Variants in SELENOW observed in about 807,000 individuals in gnomAD.
SELENOW encodes the protein selenoprotein W, also known as selenoprotein W, 1.
A neutral mutation model predicts 16.6 loss-of-function variants in SELENOW; 20 were observed. The observed-to-expected ratio is 1.21, with a 90% CI of 0.85 to 1.76. SELENOW has a LOEUF of 1.76. Ranked by LOEUF, SELENOW falls within the 40% of genes most tolerant of loss-of-function variation. SELENOW has a pLI of 0.00. For synonymous variants in SELENOW, 44 were observed against 46.2 expected, an observed-to-expected ratio of 0.95 and a Z score of 0.19; for missense variants, 124 against 111.0, an observed-to-expected ratio of 1.12 and a Z score of -0.53.
rs373202771 is a variant in SELENOW at position 47,780,033 on chromosome 19, G to C, written c.30-692G>C. On this transcript the variant is annotated intron_variant, in intron 1 of 5. Transcript: ENST00000601048. ...AGACGCCTACCAGGCCTGTACACCAGATTCCAGTCCCGAAATAGCCTGCTG... is the reference window on the plus strand; with the variant it reads ...AGACGCCTACCAGGCCTGTACACCACATTCCAGTCCCGAAATAGCCTGCTG... The C allele has an allele frequency of 1.1e-3, 444 of 415,268 alleles. 8 individuals carry two copies. Among genetic ancestry groups the C allele is most frequent in the Middle Eastern group, 5.9e-3 (17 of 2,870 alleles). The allele number at this position is 415,268 out of a possible 1,614,324, so 25.7% of individuals were successfully genotyped here.
At position 47,778,789 on chromosome 19, in the gene SELENOW, GCT is replaced by G; in HGVS notation, c.8_9del (p.Leu3ArgfsTer26). The stretch of plus-strand genomic sequence containing the variant: ...GCGGATGTGGCAGCCCCGAGCCATG[GCT>G]CTCGCCGTCCGAGTCGTTTATTGGT... MALAVRVVYCGA... is the reference protein window; with the variant it reads MXLAVRVVYCGA... On this transcript the variant is annotated frameshift_variant, in exon 1 of 6. Coordinates refer to ENST00000601048, the MANE Select transcript of SELENOW (RefSeq NM_003009.4). LOFTEE classifies it high-confidence loss of function. The G allele has an allele frequency of 6.2e-7, 1 of 1,605,702 alleles. No homozygotes were observed. Among genetic ancestry groups the G allele is most frequent in the Non-Finnish European group, 8.5e-7 (1 of 1,176,876 alleles).
At chr19:47,781,869 T>C (rs1967481465) in intron 5 of SELENOW, among the ~76,000 whole-genome samples, 1 of 142,880 alleles carries the variant, frequency 7.0e-6, no homozygotes, top group African/African-American at 2.7e-5. Flanking sequence ...GGGTCAGAGA[T>C]GTGCAGGATG....
At chr19:47,780,959 G>T in intron 3 of SELENOW, 42 bp downstream of exon 3, 1 of 1,606,930 alleles carries the variant, frequency 6.2e-7, no homozygotes, top group Non-Finnish European at 8.5e-7. Flanking sequence ...CACAGCCACT[G>T]TGTCGGTCCG....
At chr19:47,782,270 C>G (rs546864717) in intron 5 of SELENOW, 1 of 152,396 alleles carries the variant, frequency 6.6e-6, no homozygotes, top group South Asian at 2.1e-4. Flanking sequence ...CAGAAACTTA[C>G]CCACTTTGGA....
intron 1 of SELENOW, 121 bp from the exon 2 acceptor site, chr19:47,780,604 T>C: frequency 2.5e-6 from 2 of 793,634 alleles, no homozygotes; most frequent in Non-Finnish European, 4.3e-6. Context: ...TGTGTTCCTC[T>C]TTATTTCTTC....
At chr19:47,783,610 G>A (rs1019131508) in intron 5 of SELENOW, 1 of 152,206 alleles carries the variant, frequency 6.6e-6, no homozygotes, top group Non-Finnish European at 1.5e-5. Context: ...AGCTCCCAGT[G>A]TGCCTTGTGC....
intron 5 of SELENOW, among the ~76,000 whole-genome samples, chr19:47,781,971 G>C (rs1417606484): frequency 6.6e-6 from 1 of 152,140 alleles, no homozygotes; most frequent in East Asian, 1.9e-4. Flanking sequence ...TATGCAAGAT[G>C]ACAGCTGAGT....
intron 1 of SELENOW, chr19:47,779,627 AC>A (rs10718554): frequency 0.83 from 126,206 of 151,488 alleles, 52,680 homozygotes; most frequent in South Asian, 0.89. Context: ...ACCCAGGGAG[AC>A]CCCCCCCTCG....
intron 5 of SELENOW, 30 bp downstream of exon 5, chr19:47,781,418 C>A: frequency 8.4e-7 from 1 of 1,193,940 alleles, no homozygotes; most frequent in Non-Finnish European, 1.2e-6. Context: ...AGGGACACCA[C>A]CCTTTGGATC....
Position 47,781,186 on chromosome 19 carries a change from T to C in SELENOW, c.183+4T>C. On this transcript the variant is annotated splice_donor_region_variant and intron_variant, in intron 4 of 5. Coordinates refer to ENST00000601048, the MANE Select transcript of SELENOW (RefSeq NM_003009.4). The stretch of plus-strand genomic sequence containing the variant: ...GAAGTTGATTCACTCTAAGAAGGTA[T>C]GTCTGTCTGTCCGTCCTGCCTGGTT... The C allele has an allele frequency of 6.2e-7, 1 of 1,613,440 alleles. No homozygotes were observed.
rs1409638778 is a variant in SELENOW, at chr19:47,781,172, A to G, written c.173A>G (p.His58Arg). 6.2e-7 allele frequency: 1 copy of G among 1,612,752 alleles called. No homozygotes were observed. Among genetic ancestry groups the G allele is most frequent in the Non-Finnish European group, 8.5e-7 (1 of 1,179,600 alleles). ...GTGATGGTAGCCGGGAAGTTGATTC[A>G]CTCTAAGAAGGTATGTCTGTCTGTC... ...FEVMVAGKLI[H>R]SKKKGDGYVD... The change falls in exon 4 of 6, where the codon CAC becomes CGC. Residue 58 changes from histidine to arginine, a missense_variant. His to Arg is a conservative substitution (Grantham distance 29, BLOSUM62 0). Transcript: ENST00000601048.
Position 47,780,768 on chromosome 19 carries a change from CG to C in SELENOW, c.54+25del. On this transcript the variant is annotated intron_variant, in intron 2 of 5. Transcript: ENST00000601048. ...GTCCAAGGTAAGCAGAGTGGATGCC[CG>C]GGGGGCATTCCTGGGAGCTGGGGAG... 2 of 1,573,518 alleles carry C rather than the reference CG, an allele frequency of 1.3e-6. No homozygotes were observed. The highest frequency in any genetic ancestry group is 8.6e-7 in the Non-Finnish European group (1 of 1,159,442).
Position 47,778,801 on chromosome 19 carries a change from C to T in SELENOW, c.16C>T (p.Arg6Ter), listed in dbSNP as rs1457414547. ...GCCCCGAGCCATGGCTCTCGCCGTC[C>T]GAGTCGTTTATTGGTAAGCCCAGCG... MALAV[R>*]VVYCGAUGYK... The change falls in exon 1 of 6, where the codon CGA (arginine) becomes TGA (stop). Residue 6 changes from arginine (R) to a stop codon, truncating the protein, a stop_gained. Coordinates refer to ENST00000601048, the MANE Select transcript of SELENOW (RefSeq NM_003009.4). LOFTEE classifies it high-confidence loss of function. The T allele has an allele frequency of 5.0e-6, 8 of 1,605,124 alleles. No individual in the cohort carries two copies. The highest frequency in any genetic ancestry group is 5.9e-6 in the Non-Finnish European group (7 of 1,176,914).
chr19:47,780,014 C>G (rs1967453822), intron 1 of SELENOW: 4 of 352,980 alleles, frequency 1.1e-5, no homozygotes. Context: ...TTTGAGACGC[C>G]TACCAGGCCT....
At chr19:47,781,250 C>T (rs770150472) in intron 4 of SELENOW, 40 bp from the exon 5 acceptor site, 9 of 1,599,626 alleles carry the variant, frequency 5.6e-6, no homozygotes, top group Middle Eastern at 1.6e-4. Context: ...GTTGGTGTCT[C>T]GGTCCCAGCT....
chr19:47,778,837 C>G, intron 1 of SELENOW, 23 bp downstream of exon 1: 2 of 1,380,972 alleles, frequency 1.4e-6, no homozygotes, highest in Non-Finnish European at 2.0e-6. Flanking sequence ...GCCAGCGGCC[C>G]CCGTCCCCGA....
At chr19:47,783,435 TC>T (rs1468066411) in intron 5 of SELENOW, 4 of 152,414 alleles carry the variant, frequency 2.6e-5, no homozygotes, top group Admixed American at 2.6e-4. Flanking sequence ...ACTCTTGACC[TC>T]AGGTGATCCG....
intron 1 of SELENOW, chr19:47,779,889 G>A (rs952315388): frequency 1.4e-4 from 33 of 236,634 alleles, no homozygotes; most frequent in Middle Eastern, 1.9e-3. Flanking sequence ...TGGGGTGGGG[G>A]CAGGTCAGTA....
At chr19:47,779,992 C>G in intron 1 of SELENOW, 1 of 333,308 alleles carries the variant, frequency 3.0e-6, no homozygotes. Flanking sequence ...AAAGCAGAGG[C>G]AAGAGTGACA....
Sources: allele counts gnomAD v4.1 joint callset (sites outside exome capture counted in the v4.1 genomes callset), GRCh38; gene constraint gnomAD v4.1.1; transcripts MANE v1.5; gene names NCBI Gene and HGNC (gene_info 2026-07-23, HGNC 2026-07-21).